Variants in ATIC observed in about 807,000 individuals in gnomAD.
ATIC encodes bifunctional purine biosynthesis protein ATIC.
ATIC carries 64 observed loss-of-function variants against 72.5 expected under a neutral mutation model. That is an observed-to-expected ratio of 0.88 (90% CI 0.72 to 1.09). The LOEUF (loss-of-function observed/expected upper bound fraction) is 1.09, where lower values mean the gene tolerates loss of function less well. ATIC is among the 50% of genes least tolerant of loss of function. ATIC has a pLI of 0.00. For synonymous variants in ATIC, 281 were observed against 267.1 expected, an observed-to-expected ratio of 1.05 and a Z score of -0.51; for missense variants, 787 against 732.4, an observed-to-expected ratio of 1.07 and a Z score of -0.86.
At chr2:215,350,573 T>C (rs1323659070), downstream of ATIC, among the ~76,000 whole-genome samples, 2 of 152,238 alleles carry the variant, frequency 1.3e-5, no homozygotes, top group Non-Finnish European at 2.9e-5. Flanking sequence ...GATAATCTGA[T>C]GTATATTTTT....
intron 5 of ATIC, 37 bp downstream of exon 5, chr2:215,325,366 G>T: frequency 1.4e-6 from 2 of 1,471,346 alleles, no homozygotes; most frequent in South Asian, 2.3e-5. Flanking sequence ...ACTGAGAGGA[G>T]AGGATTATTT....
chr2:215,326,095 G>GT lies in ATIC; in HGVS notation c.489dup (p.Lys164Ter). On this transcript the variant is annotated frameshift_variant, in exon 6 of 16. Coordinates refer to ENST00000236959, the MANE Select transcript of ATIC (RefSeq NM_004044.7). LOFTEE classifies it high-confidence loss of function. ...TCCACGGAGATGCAGAGCTCCGAGA[G>GT]TAAGGACACCTCCTTGGAGACTAGA... 6 of 1,614,164 alleles carry GT rather than the reference G, an allele frequency of 3.7e-6. No individual in the cohort carries two copies. In the Middle Eastern group the frequency reaches 6.6e-4, roughly 178 times the overall value.
intron 2 of ATIC, 82 bp downstream of exon 2, chr2:215,312,706 C>T (rs1484465529): frequency 4.4e-6 from 7 of 1,599,114 alleles, no homozygotes; most frequent in African/African-American, 1.3e-5. Context: ...AGCAGCAAAA[C>T]GCCTTATTTA....
intron 9 of ATIC, among the ~76,000 whole-genome samples, chr2:215,334,650 C>G (rs2052935552): frequency 6.6e-6 from 1 of 152,174 alleles, no homozygotes; most frequent in Non-Finnish European, 1.5e-5. Flanking sequence ...TCAGCTGAAT[C>G]CAGCCTGCCA....
intron 7 of ATIC, among the ~76,000 whole-genome samples, chr2:215,331,457 A>T (rs1312611351): frequency 7.0e-6 from 1 of 143,372 alleles, no homozygotes; most frequent in African/African-American, 2.6e-5. Context: ...GTTTCGGCTC[A>T]CTACAACCTC....
chr2:215,335,025 C>T, intron 10 of ATIC, 21 bp downstream of exon 10: 1 of 1,566,424 alleles, frequency 6.4e-7, no homozygotes. Context: ...ATTCATGTAT[C>T]TTAATCTGTG....
intron 2 of ATIC, among the ~76,000 whole-genome samples, chr2:215,314,888 G>T (rs2052692843): frequency 6.6e-6 from 1 of 152,168 alleles, no homozygotes; most frequent in South Asian, 2.1e-4. Flanking sequence ...TATAATAAGA[G>T]AAAAGCATAA....
chr2:215,352,757 C>T (rs1389583055), downstream of ATIC, among the ~76,000 whole-genome samples: 2 of 75,228 alleles, frequency 2.7e-5, no homozygotes, highest in African/African-American at 7.3e-5. Context: ...GATTGTGCAA[C>T]CCAAGCCTGG....
At chr2:215,330,601 G>A (rs1436729927) in intron 7 of ATIC, among the ~76,000 whole-genome samples, 1 of 152,078 alleles carries the variant, frequency 6.6e-6, no homozygotes, top group Non-Finnish European at 1.5e-5. Context: ...CCCCATTACA[G>A]TATCATGCAG....
intron 12 of ATIC, among the ~76,000 whole-genome samples, chr2:215,340,745 T>A (rs2053010221): frequency 1.3e-5 from 2 of 152,180 alleles, no homozygotes; most frequent in Non-Finnish European, 2.9e-5. Flanking sequence ...AGGTATCTAC[T>A]GCTGTACGCT....
At chr2:215,339,095 G>A (rs1028906085) in intron 12 of ATIC, among the ~76,000 whole-genome samples, 188 bp downstream of exon 12, 3 of 152,174 alleles carry the variant, frequency 2.0e-5, no homozygotes, top group Non-Finnish European at 2.9e-5. Flanking sequence ...CATGTTAGAA[G>A]CTTCTGTGCA....
chr2:215,347,515 C>T (rs1010438552), intron 14 of ATIC: 3 of 471,430 alleles, frequency 6.4e-6, no homozygotes, highest in Non-Finnish European at 1.3e-5. Flanking sequence ...AGTTTCTGGA[C>T]ATATTGCGTG....
downstream of ATIC, chr2:215,349,802 G>A (rs553005119): frequency 1.9e-3 from 2,699 of 1,425,386 alleles, 3 homozygotes; most frequent in Non-Finnish European, 2.4e-3. Context: ...TGTTAAAGAT[G>A]CAGGCTCTTT....
Position 215,322,910 on chromosome 2 carries a change from A to C in ATIC, c.291-2331A>C, listed in dbSNP as rs1449405344. Among the ~76,000 whole-genome samples, 8 of 151,710 alleles carry C rather than the reference A, an allele frequency of 5.3e-5. No homozygotes were observed. The East Asian group carries it at 1.4e-3, about 26-fold the overall frequency. ...GAAATCAGCAAGTGTGAGTCCTCCA[A>C]CTTCATTTTTCTGTTTTTTGTTTGT... is the stretch of plus-strand genomic sequence containing the variant. On this transcript the variant is annotated intron_variant, in intron 4 of 15. Coordinates refer to ENST00000236959, the MANE Select transcript of ATIC (RefSeq NM_004044.7).
In ATIC at chr2:215,347,570, A is replaced by G. The variant is rs114902748; in HGVS notation, c.1503+629A>G. On this transcript the variant is annotated intron_variant, in intron 14 of 15. Transcript: ENST00000236959. ...GAAAACAGAAGGCTGCTAATCAAAT[A>G]CTAGATGGTCTTCTGAAGAGCCAAT... The G allele has an allele frequency of 2.8e-3, 1,348 of 488,224 alleles. 17 individuals are homozygous for G. Among genetic ancestry groups the G allele is most frequent in the African/African-American group, 0.023 (1,200 of 51,234 alleles). The allele number at this position is 488,224 out of a possible 1,614,324, so 30.2% of individuals were successfully genotyped here.
chr2:215,344,891 C>G lies in ATIC; in HGVS notation c.1320+20C>G. 3 of 1,604,870 alleles carry G rather than the reference C, an allele frequency of 1.9e-6. No homozygotes were observed. Among genetic ancestry groups the G allele is most frequent in the Non-Finnish European group, 2.6e-6 (3 of 1,171,902 alleles). On this transcript the variant is annotated intron_variant, in intron 13 of 15. Transcript: ENST00000236959. ...GGGCAGGTAAGTGGGCTGTTGGACT[C>G]GCCTTCGGGGGACTGTTGTTTTACG...
chr2:215,362,060 CA>C, the ATIC span: 1 of 1,614,034 alleles, frequency 6.2e-7, no homozygotes, highest in Non-Finnish European at 8.5e-7. Context: ...AGGTCTGCGG[CA>C]GTTGTCACAG....
chr2:215,327,738 C>T (rs766394939), intron 7 of ATIC, among the ~76,000 whole-genome samples: 20 of 152,078 alleles, frequency 1.3e-4, no homozygotes, highest in Non-Finnish European at 2.5e-4. Context: ...CTGCCTGGGG[C>T]GGTCAGCATT....
chr2:215,349,656 T>A lies in ATIC; in HGVS notation c.*1T>A. The stretch of plus-strand genomic sequence containing the variant: ...GAACCTTCGGCTCTTCCACCACTGA[T>A]TTTACCACACACTGTTTTTTGGCTT... On this transcript the variant is annotated 3_prime_UTR_variant, in exon 16 of 16. Coordinates refer to ENST00000236959, the MANE Select transcript of ATIC (RefSeq NM_004044.7). The A allele has an allele frequency of 6.2e-7, 1 of 1,614,192 alleles. No homozygotes were observed. The highest frequency in any genetic ancestry group is 1.3e-5 in the African/African-American group (1 of 75,032).
Sources: gnomAD v4.1 joint callset for allele counts (sites outside exome capture counted in the v4.1 genomes callset) on GRCh38, gnomAD v4.1.1 for gene constraint, MANE v1.5 for transcripts, NCBI Gene and HGNC (gene_info 2026-07-23, HGNC 2026-07-21) for gene names.